Variants in RTL4 observed in about 807,000 individuals in gnomAD.
The protein encoded by RTL4 is retrotransposon Gag like 4, also known as retrotransposon Gag-like protein 4.
RTL4 carries 4 observed loss-of-function variants against 5.3 expected under a neutral mutation model. The ratio of observed to expected loss-of-function variants is 0.75; its 90% CI spans 0.37 to 1.72. The LOEUF (loss-of-function observed/expected upper bound fraction) is 1.72. Among genes scored for constraint, RTL4 ranks in the 40% most tolerant of loss-of-function variants. The probability of loss-of-function intolerance (pLI) is 0.04; values close to 1 mark genes in which losing one functional copy is unlikely to be tolerated. For missense variants in RTL4, 260 were observed against 227.1 expected (o/e 1.14, Z -0.93); for synonymous variants, 98 against 87.3 (o/e 1.12, Z -0.68).
At chrX:112,390,106 AATATATATATATATAT>A in the RTL4 span, among the ~76,000 whole-genome samples, 187 of 17,385 alleles carry the variant, frequency 0.011, 3 homozygotes, top group Middle Eastern at 0.032. Flanking sequence ...ATTTATATAT[AATATATATATATATAT>A]ATATATATAT....
chrX:112,208,576 A>G, the RTL4 span, among the ~76,000 whole-genome samples: 2 of 112,329 alleles, frequency 1.8e-5, no homozygotes, highest in Non-Finnish European at 3.8e-5. Context: ...TCATCTATCT[A>G]TGGCCTCAAT....
At chrX:112,221,008 T>G in the RTL4 span, among the ~76,000 whole-genome samples, 5 of 112,064 alleles carry the variant, frequency 4.5e-5, no homozygotes, top group African/African-American at 1.6e-4. Context: ...AATACCCTAC[T>G]CTCAGTACCA....
chrX:112,441,616 C>T, the RTL4 span, among the ~76,000 whole-genome samples: 25,049 of 110,994 alleles, frequency 0.23, 2,168 homozygotes, highest in Middle Eastern at 0.28. Flanking sequence ...CTTTGGGAAA[C>T]AGTTTGCAGT....
At chrX:112,331,398 C>G in the RTL4 span, among the ~76,000 whole-genome samples, 2 of 106,620 alleles carry the variant, frequency 1.9e-5, no homozygotes, top group Non-Finnish European at 3.9e-5. Flanking sequence ...CCAAAAAACA[C>G]ATGAAAAAAT....
the RTL4 span, among the ~76,000 whole-genome samples, chrX:112,183,012 C>T: frequency 1.8e-5 from 2 of 112,347 alleles, no homozygotes; most frequent in African/African-American, 6.5e-5. Context: ...CAATATTCCA[C>T]ATTCTTAAAG....
exon 1 of RTL4, chrX:112,454,703 A>T: frequency 8.7e-7 from 1 of 1,154,940 alleles, no homozygotes; most frequent in African/African-American, 1.8e-5. Context: ...AATTCTACTC[A>T]ATCCCACCTG....
the RTL4 span, among the ~76,000 whole-genome samples, chrX:112,226,863 G>A: frequency 1.8e-5 from 2 of 108,474 alleles, no homozygotes; most frequent in Admixed American, 2.0e-4. Flanking sequence ...TTGAGCCCAA[G>A]AGGCGGAGGT....
At chrX:112,103,818 G>C in the RTL4 span, among the ~76,000 whole-genome samples, 3 of 110,635 alleles carry the variant, frequency 2.7e-5, no homozygotes, top group African/African-American at 6.6e-5. Flanking sequence ...ATGATGTTTT[G>C]AAATATATAT....
chrX:112,378,732 A>G, the RTL4 span, among the ~76,000 whole-genome samples: 3 of 112,119 alleles, frequency 2.7e-5, no homozygotes, highest in Non-Finnish European at 5.6e-5. Flanking sequence ...TGGAGCAATC[A>G]AGGTGGCAGG....
chrX:112,091,035 G>A, the RTL4 span, among the ~76,000 whole-genome samples: 1 of 110,588 alleles, frequency 9.0e-6, no homozygotes, highest in South Asian at 3.8e-4. Context: ...CTAATTTCTT[G>A]TTGTATAATT....
chrX:112,279,982 C>T, the RTL4 span, among the ~76,000 whole-genome samples: 2 of 111,144 alleles, frequency 1.8e-5, no homozygotes, highest in Non-Finnish European at 3.8e-5. Flanking sequence ...ATAATGTAAA[C>T]ACTGATCTAA....
the RTL4 span, among the ~76,000 whole-genome samples, chrX:112,160,392 T>C: frequency 4.5e-5 from 5 of 112,157 alleles, no homozygotes; most frequent in African/African-American, 1.6e-4. Context: ...GAAAGTCACA[T>C]AATCATCTTA....
chrX:112,191,757 G>A, the RTL4 span, among the ~76,000 whole-genome samples: 1 of 111,571 alleles, frequency 9.0e-6, no homozygotes, highest in South Asian at 3.7e-4. Context: ...ATTCATACAT[G>A]TTATACTCAG....
chrX:112,161,870 TTTCC>T, the RTL4 span, among the ~76,000 whole-genome samples: 363 of 44,118 alleles, frequency 8.2e-3, 25 homozygotes, highest in African/African-American at 0.021. Context: ...TCTTTCTTTC[TTTCC>T]TTCTTTCTTC....
At chrX:112,190,170 TTCTTTC>T in the RTL4 span, among the ~76,000 whole-genome samples, 8 of 91,923 alleles carry the variant, frequency 8.7e-5, no homozygotes, top group Non-Finnish European at 1.5e-4. Context: ...CTTTCTTTCT[TTCTTTC>T]TTTCTTTCTT....
At chrX:112,296,611 CTT>C in the RTL4 span, among the ~76,000 whole-genome samples, 17,853 of 92,068 alleles carry the variant, frequency 0.19, 1,621 homozygotes, top group Admixed American at 0.27. Flanking sequence ...TTCTTTTCTT[CTT>C]TTTTTTTTTT....
the RTL4 span, among the ~76,000 whole-genome samples, chrX:112,329,207 A>G: frequency 4.5e-5 from 5 of 111,494 alleles, no homozygotes; most frequent in Non-Finnish European, 9.4e-5. Flanking sequence ...TCAAAAAACT[A>G]ATGAATCCAG....
chrX:112,165,172 T>G, the RTL4 span, among the ~76,000 whole-genome samples: 7 of 112,200 alleles, frequency 6.2e-5, no homozygotes, highest in African/African-American at 1.9e-4. Flanking sequence ...GAGATTGTTC[T>G]CATTTCAGAC....
the RTL4 span, among the ~76,000 whole-genome samples, chrX:112,221,701 G>A: frequency 1.8e-5 from 2 of 112,482 alleles, no homozygotes; most frequent in Non-Finnish European, 3.8e-5. Context: ...TGTAAATCAC[G>A]TAAACTGAGA....
Sources: gnomAD v4.1 joint callset for allele counts (sites outside exome capture counted in the v4.1 genomes callset) on GRCh38, gnomAD v4.1.1 for gene constraint, MANE v1.5 for transcripts, NCBI Gene and HGNC (gene_info 2026-07-23, HGNC 2026-07-21) for gene names.